Variants in NSUN4 observed in about 807,000 individuals in gnomAD.
NSUN4 encodes 5-cytosine rRNA methyltransferase NSUN4.
A neutral mutation model predicts 43.8 loss-of-function variants in NSUN4; 31 were observed. The ratio of observed to expected loss-of-function variants is 0.71; its 90% confidence interval spans 0.53 to 0.96. The LOEUF is 0.96. Among genes scored for constraint, NSUN4 ranks in the 40% least tolerant of loss-of-function variants. The probability of loss-of-function intolerance (pLI) is 0.00; values close to 1 mark genes in which losing one functional copy is unlikely to be tolerated. For missense variants in NSUN4, 439 were observed against 475.6 expected, an observed-to-expected ratio of 0.92 and a Z score of 0.72; for synonymous variants, 167 against 184.1, an observed-to-expected ratio of 0.91 and a Z score of 0.75.
chr1:46,367,003 CA>C (rs1488811114), downstream of NSUN4, among the ~76,000 whole-genome samples: 1 of 152,104 alleles, frequency 6.6e-6, no homozygotes, highest in Non-Finnish European at 1.5e-5. Context: ...TGGCCGTTCT[CA>C]GAAAAATAAA....
At chr1:46,384,701 A>G in the NSUN4 span, among the ~76,000 whole-genome samples, 1 of 152,060 alleles carries the variant, frequency 6.6e-6, no homozygotes, top group African/African-American at 2.4e-5. Context: ...TCTGATGATA[A>G]TGGCACTTGC....
rs550521218 is a variant in NSUN4 at position 46,360,933 on chromosome 1, G to T, written c.878+105G>T. 4 of 1,284,332 alleles carry T rather than the reference G, an allele frequency of 3.1e-6. No individual in the cohort carries two copies. In the South Asian group the frequency reaches 5.2e-5, roughly 17 times the overall value. 79.6% of individuals were successfully genotyped at this position (1,284,332 alleles called of 1,614,324 possible). On this transcript the variant is annotated intron_variant, in intron 5 of 5. Coordinates refer to ENST00000474844, the MANE Select transcript of NSUN4 (RefSeq NM_199044.4). ...CCATAACCCACACAAGAATCTTATG[G>T]CTGGAGATCTGCCTAGAGGAGACAG... is the stretch of plus-strand genomic sequence containing the variant.
Position 46,357,589 on chromosome 1 carries a change from C to T in NSUN4, c.754-3115C>T, listed in dbSNP as rs372100564. On this transcript the variant is annotated intron_variant, in intron 4 of 5. Transcript: ENST00000474844. Reference sequence around the variant, plus strand: ...TCTCTGCATTAGGGGCTCAGGAGTCCAGCGGTCCTAAGTATACCTTGCAGC... The same window carrying T: ...TCTCTGCATTAGGGGCTCAGGAGTCTAGCGGTCCTAAGTATACCTTGCAGC... 1.2e-3 allele frequency among the ~76,000 whole-genome samples: 187 copies of T among 152,302 alleles called. 1 individual carries two copies. The highest frequency in any genetic ancestry group is 4.1e-3 in the African/African-American group (171 of 41,556).
intron 3 of NSUN4, among the ~76,000 whole-genome samples, chr1:46,348,963 C>A (rs1662758780): frequency 6.6e-6 from 1 of 151,352 alleles, no homozygotes; most frequent in Non-Finnish European, 1.5e-5. Context: ...TACAGGCACC[C>A]ACCACCACAC....
At chr1:46,368,655 A>G (rs1370112351), downstream of NSUN4, among the ~76,000 whole-genome samples, 1 of 152,226 alleles carries the variant, frequency 6.6e-6, no homozygotes, top group Non-Finnish European at 1.5e-5. Context: ...GTTTTAAGCC[A>G]GTAAGTTTTG....
At chr1:46,382,992 C>CTG in the NSUN4 span, among the ~76,000 whole-genome samples, 2 of 152,030 alleles carry the variant, frequency 1.3e-5, no homozygotes, top group Non-Finnish European at 2.9e-5. Flanking sequence ...AGTAGGGAAC[C>CTG]TGTGTGTGTG....
intron 1 of NSUN4, 25 bp downstream of exon 1, chr1:46,340,944 A>G: frequency 6.3e-7 from 1 of 1,589,106 alleles, no homozygotes; most frequent in Non-Finnish European, 8.6e-7. Flanking sequence ...GGGGCGCAGG[A>G]GGGAAAAGTG....
At chr1:46,351,813 C>G (rs1663011061) in intron 3 of NSUN4, among the ~76,000 whole-genome samples, 1 of 151,396 alleles carries the variant, frequency 6.6e-6, no homozygotes, top group African/African-American at 2.4e-5. Context: ...TACAGGTACC[C>G]ACCCCCATGC....
intron 3 of NSUN4, among the ~76,000 whole-genome samples, chr1:46,351,460 A>C (rs925892328): frequency 6.6e-6 from 1 of 152,156 alleles, no homozygotes; most frequent in African/African-American, 2.4e-5. Flanking sequence ...TGGCTAAATA[A>C]ACTGTAGTAT....
At chr1:46,360,626 G>T in intron 4 of NSUN4, 78 bp from the exon 5 acceptor site, 1 of 1,465,636 alleles carries the variant, frequency 6.8e-7, no homozygotes, top group Non-Finnish European at 9.3e-7. Context: ...CTTAGGCCAG[G>T]GGCCTAAAAC....
the NSUN4 span, among the ~76,000 whole-genome samples, chr1:46,371,991 C>G: frequency 3.3e-5 from 5 of 152,118 alleles, no homozygotes; most frequent in African/African-American, 9.7e-5. Context: ...GTTTACATCT[C>G]AACATGAGAT....
Position 46,362,053 on chromosome 1 carries a change from T to C in NSUN4, c.*207T>C. On this transcript the variant is annotated 3_prime_UTR_variant, in exon 6 of 6. Coordinates refer to ENST00000474844, the MANE Select transcript of NSUN4 (RefSeq NM_199044.4). ...CATCAGCAGGTTTCCAACTCACTCA[T>C]TAACCCCTACCCCATCTCCAGGCCT... is the stretch of plus-strand genomic sequence containing the variant. The C allele has an allele frequency of 1.7e-6, 1 of 601,878 alleles. No individual in the cohort carries two copies. Among genetic ancestry groups the C allele is most frequent in the East Asian group, 2.8e-5 (1 of 35,474 alleles). The allele number at this position is 601,878 out of a possible 1,614,324, so 37.3% of individuals were successfully genotyped here.
chr1:46,364,868 C>G lies in NSUN4; in HGVS notation c.*3022C>G, dbSNP rs892258336. The G allele has an allele frequency of 1.3e-5, 2 of 152,188 alleles. No individual in the cohort carries two copies. Among genetic ancestry groups the G allele is most frequent in the Non-Finnish European group, 2.9e-5 (2 of 68,040 alleles). 9.4% of individuals were successfully genotyped at this position (152,188 alleles called of 1,614,324 possible). On this transcript the variant is annotated 3_prime_UTR_variant, in exon 6 of 6. Coordinates refer to ENST00000474844, the MANE Select transcript of NSUN4 (RefSeq NM_199044.4). ...ATGCCTCACATAGATCATGATGATTCAATCCAAAGGCACTTTGCAGTGCAG... is the reference window on the plus strand; with the variant it reads ...ATGCCTCACATAGATCATGATGATTGAATCCAAAGGCACTTTGCAGTGCAG...
the NSUN4 span, among the ~76,000 whole-genome samples, chr1:46,384,827 TTTGACGAGAACATGATCCCC>T: frequency 6.6e-6 from 1 of 152,138 alleles, no homozygotes; most frequent in Admixed American, 6.5e-5. Flanking sequence ...CTTTCCACCC[TTTGACGAGAACATGATCCCC>T]AGGCTGATGC....
At chr1:46,345,617 T>C (rs1662432787) in intron 2 of NSUN4, among the ~76,000 whole-genome samples, 1 of 152,158 alleles carries the variant, frequency 6.6e-6, no homozygotes, top group African/African-American at 2.4e-5. Flanking sequence ...AGTAACTTCA[T>C]GGTAGCAAAG....
At chr1:46,381,292 A>G in the NSUN4 span, among the ~76,000 whole-genome samples, 1 of 152,206 alleles carries the variant, frequency 6.6e-6, no homozygotes, top group Non-Finnish European at 1.5e-5. Flanking sequence ...AGAGCACAGC[A>G]TATAGTAGCA....
chr1:46,341,653 C>G, intron 1 of NSUN4: 12 of 1,227,722 alleles, frequency 9.8e-6, no homozygotes, highest in Non-Finnish European at 1.1e-5. Flanking sequence ...CTTCCACCCC[C>G]ACAACCTTCC....
the NSUN4 span, among the ~76,000 whole-genome samples, chr1:46,384,333 G>T: frequency 6.6e-6 from 1 of 152,080 alleles, no homozygotes; most frequent in Non-Finnish European, 1.5e-5. Flanking sequence ...TGTTCTGCTT[G>T]ATTTTCCAAA....
the NSUN4 span, among the ~76,000 whole-genome samples, chr1:46,383,038 G>A: frequency 5.1e-4 from 77 of 152,304 alleles, no homozygotes; most frequent in African/African-American, 1.3e-3. Flanking sequence ...CCTCTGAAGC[G>A]GACCAGGTCC....
Sources: allele counts gnomAD v4.1 joint callset (sites outside exome capture counted in the v4.1 genomes callset), GRCh38; gene constraint gnomAD v4.1.1; transcripts MANE v1.5; gene names NCBI Gene and HGNC (gene_info 2026-07-23, HGNC 2026-07-21).